TMEM232: variants seen among roughly 807,000 people sequenced by gnomAD.
TMEM232 encodes transmembrane protein 232.
TMEM232 carries 80 observed loss-of-function variants against 78.8 expected under a neutral mutation model. The ratio of observed to expected loss-of-function variants is 1.01; its 90% confidence interval spans 0.85 to 1.22. The LOEUF (loss-of-function observed/expected upper bound fraction) is 1.22, where lower values mean the gene tolerates loss of function less well. Ranked by LOEUF, TMEM232 falls within the 50% of genes most tolerant of loss-of-function variation. The probability of loss-of-function intolerance (pLI) is 0.00; values close to 1 mark genes in which losing one functional copy is unlikely to be tolerated. For missense variants in TMEM232, 881 were observed against 742.2 expected (o/e 1.19, Z -2.17); for synonymous variants, 297 against 254.3 (o/e 1.17, Z -1.60).
At chr5:110,578,961 G>A (rs758887678) in intron 10 of TMEM232, among the ~76,000 whole-genome samples, 10 of 151,636 alleles carry the variant, frequency 6.6e-5, no homozygotes, top group South Asian at 2.1e-4. Flanking sequence ...TGGACACTTC[G>A]CAAATCTAGG....
chr5:110,638,682 G>A (rs774483234), intron 4 of TMEM232, among the ~76,000 whole-genome samples: 4 of 152,070 alleles, frequency 2.6e-5, no homozygotes, highest in Non-Finnish European at 5.9e-5. Context: ...GGAACCCTAA[G>A]CTGCCATGTA....
intron 12 of TMEM232, among the ~76,000 whole-genome samples, chr5:110,470,226 G>T (rs1762529034): frequency 1.3e-5 from 2 of 152,076 alleles, no homozygotes; most frequent in South Asian, 4.2e-4. Flanking sequence ...CCAGGGACGG[G>T]CCTGTGCTGT....
chr5:110,587,683 ATATATATATGTGTGTGTGTGTG>A (rs1311743640), intron 10 of TMEM232, among the ~76,000 whole-genome samples: 1,427 of 92,002 alleles, frequency 0.016, 19 homozygotes, highest in South Asian at 0.019. Flanking sequence ...ATATATATAT[ATATATATATGTGTGTGTGTGTG>A]TGTGTGTGTG....
intron 12 of TMEM232, among the ~76,000 whole-genome samples, chr5:110,485,869 T>G (rs1339672534): frequency 6.6e-6 from 1 of 152,148 alleles, no homozygotes; most frequent in Non-Finnish European, 1.5e-5. Context: ...TAGTTCTAAT[T>G]TTAGTTCTTT....
chr5:110,583,213 A>C (rs1778405035), intron 10 of TMEM232, among the ~76,000 whole-genome samples: 1 of 152,052 alleles, frequency 6.6e-6, no homozygotes, highest in Admixed American at 6.6e-5. Context: ...GAAAAAGAAC[A>C]AAGTCAAAGG....
At chr5:110,709,718 T>C (rs1796281346) in intron 1 of TMEM232, among the ~76,000 whole-genome samples, 1 of 151,980 alleles carries the variant, frequency 6.6e-6, no homozygotes, top group African/African-American at 2.4e-5. Flanking sequence ...CCAAAATCTA[T>C]GGGATATAAT....
chr5:110,395,284 C>G (rs983058468), intron 3 of TMEM232, among the ~76,000 whole-genome samples: 31 of 152,134 alleles, frequency 2.0e-4, no homozygotes, highest in African/African-American at 7.2e-4. Flanking sequence ...AGGCCTGCAT[C>G]AGCAGGGACA....
intron 1 of TMEM232, among the ~76,000 whole-genome samples, chr5:110,679,507 G>A (rs764785109): frequency 6.6e-6 from 1 of 152,056 alleles, no homozygotes; most frequent in Non-Finnish European, 1.5e-5. Context: ...GTCTTTAACA[G>A]GACAGAAGTT....
intron 12 of TMEM232, among the ~76,000 whole-genome samples, chr5:110,454,806 C>A (rs1481355862): frequency 6.8e-6 from 1 of 146,092 alleles, no homozygotes; most frequent in Admixed American, 6.8e-5. Context: ...GCAAATTAAA[C>A]CCTTAGAAGG....
At chr5:110,713,234 T>G in intron 1 of TMEM232, among the ~76,000 whole-genome samples, 1 of 152,060 alleles carries the variant, frequency 6.6e-6, no homozygotes, top group East Asian at 1.9e-4. Context: ...ACAAGGATTG[T>G]TAGTACAGGC....
At chr5:110,625,863 AAT>A (rs1784359508) in intron 6 of TMEM232, among the ~76,000 whole-genome samples, 1 of 151,890 alleles carries the variant, frequency 6.6e-6, no homozygotes, top group Non-Finnish European at 1.5e-5. Flanking sequence ...TATTTACAAC[AAT>A]ATGTTGTAAA....
chr5:110,688,092 GATGT>G (rs1174905294), intron 1 of TMEM232, among the ~76,000 whole-genome samples: 1 of 52,442 alleles, frequency 1.9e-5, no homozygotes, highest in Non-Finnish European at 4.2e-5. Flanking sequence ...ACTCTGAGGG[GATGT>G]GTGTGTGTGT....
intron 12 of TMEM232, among the ~76,000 whole-genome samples, chr5:110,478,699 C>G (rs1763526900): frequency 6.6e-6 from 1 of 151,738 alleles, no homozygotes; most frequent in Non-Finnish European, 1.5e-5. Context: ...AGGGAATTAA[C>G]ACAATTTTCA....
At chr5:110,721,945 T>C (rs1180595563) in intron 1 of TMEM232, among the ~76,000 whole-genome samples, 1 of 151,744 alleles carries the variant, frequency 6.6e-6, no homozygotes, top group Non-Finnish European at 1.5e-5. Context: ...CTGCCCCTGA[T>C]AGTTAGAATC....
intron 1 of TMEM232, among the ~76,000 whole-genome samples, chr5:110,703,312 AT>A (rs1795616246): frequency 6.6e-6 from 1 of 151,966 alleles, no homozygotes; most frequent in African/African-American, 2.4e-5. Flanking sequence ...CGACAGACCT[AT>A]TTTGCTGATG....
chr5:110,451,934 T>C (rs952309324), intron 12 of TMEM232, among the ~76,000 whole-genome samples: 3 of 152,136 alleles, frequency 2.0e-5, no homozygotes, highest in African/African-American at 7.2e-5. Flanking sequence ...AGAAAATCTG[T>C]TTAAAAACAA....
At chr5:110,721,669 G>GTATATATATATATATATATATATATATA (rs749643657) in intron 1 of TMEM232, among the ~76,000 whole-genome samples, 775 of 23,634 alleles carry the variant, frequency 0.033, 31 homozygotes, top group Middle Eastern at 0.083. Context: ...GTGTGTGTGT[G>GTATATATATATATATATATATATATATA]TGTGTATATA....
At chr5:110,611,131 A>G (rs1221368166) in intron 8 of TMEM232, among the ~76,000 whole-genome samples, 7 of 152,182 alleles carry the variant, frequency 4.6e-5, no homozygotes, top group Admixed American at 4.6e-4. Flanking sequence ...AACATCTGAA[A>G]TAATTACTTA....
chr5:110,526,486 T>G (rs910888732), intron 12 of TMEM232, among the ~76,000 whole-genome samples: 2 of 151,962 alleles, frequency 1.3e-5, no homozygotes, highest in Non-Finnish European at 2.9e-5. Context: ...ATTAAAATGC[T>G]AAAAATTACA....
Sources: gnomAD v4.1 joint callset for allele counts (sites outside exome capture counted in the v4.1 genomes callset) on GRCh38, gnomAD v4.1.1 for gene constraint, MANE v1.5 for transcripts, NCBI Gene and HGNC (gene_info 2026-07-23, HGNC 2026-07-21) for gene names.